ERC2: variants seen among roughly 807,000 people sequenced by gnomAD.
ERC2 encodes ELKS/RAB6-interacting/CAST family member 2.
Under a neutral mutation model 114.8 loss-of-function variants are expected in ERC2, and 42 were observed. The ratio of observed to expected loss-of-function variants is 0.37; its 90% CI spans 0.29 to 0.47. The LOEUF (loss-of-function observed/expected upper bound fraction) is 0.47, where lower values mean the gene tolerates loss of function less well. ERC2 is among the 20% of genes least tolerant of loss of function. The pLI is 0.99. For missense variants in ERC2, 939 were observed against 1,150.7 expected, an observed-to-expected ratio of 0.82 and a Z score of 2.66; for synonymous variants, 454 against 425.5, an observed-to-expected ratio of 1.07 and a Z score of -0.82.
chr3:56,085,885 C>T (rs1343153727), intron 6 of ERC2, among the ~76,000 whole-genome samples: 6 of 152,258 alleles, frequency 3.9e-5, no homozygotes, highest in African/African-American at 1.4e-4. Context: ...ATTTGCCCTG[C>T]ATCCTACCTA....
intron 2 of ERC2, among the ~76,000 whole-genome samples, chr3:56,306,049 G>A (rs1257123053): frequency 5.3e-5 from 8 of 151,992 alleles, no homozygotes; most frequent in East Asian, 1.9e-4. Flanking sequence ...GGGTTTCTCC[G>A]TGTTGCCCAG....
intron 12 of ERC2, among the ~76,000 whole-genome samples, chr3:55,980,891 C>T (rs930101593): frequency 1.2e-4 from 18 of 152,210 alleles, no homozygotes; most frequent in African/African-American, 4.3e-4. Flanking sequence ...ACACACTGAA[C>T]TATAAAACGT....
chr3:55,920,446 A>ACACCCCCCCCCCC (rs57638674), intron 13 of ERC2, among the ~76,000 whole-genome samples: 1 of 145,446 alleles, frequency 6.9e-6, no homozygotes, highest in African/African-American at 2.6e-5. Flanking sequence ...ACACACACAC[A>ACACCCCCCCCCCC]CCCCAAGTGA....
intron 6 of ERC2, among the ~76,000 whole-genome samples, chr3:56,107,562 C>T (rs2078738136): frequency 6.6e-6 from 1 of 152,130 alleles, no homozygotes; most frequent in Admixed American, 6.6e-5. Context: ...CTCTGATACT[C>T]TGCTTTCACC....
intron 14 of ERC2, among the ~76,000 whole-genome samples, chr3:55,815,224 T>C (rs779390287): frequency 6.6e-6 from 1 of 152,148 alleles, no homozygotes; most frequent in Non-Finnish European, 1.5e-5. Context: ...CATCTACTCT[T>C]AGTGGGGTGT....
At chr3:55,864,247 A>G (rs528804859) in intron 14 of ERC2, among the ~76,000 whole-genome samples, 10 of 148,354 alleles carry the variant, frequency 6.7e-5, no homozygotes, top group African/African-American at 1.2e-4. Context: ...GTGTGTATAT[A>G]TGTATATATA....
chr3:55,548,209 T>C (rs2054894991), intron 17 of ERC2, among the ~76,000 whole-genome samples: 1 of 152,248 alleles, frequency 6.6e-6, no homozygotes, highest in South Asian at 2.1e-4. Context: ...TGCCTGTGGG[T>C]GAGATCTAGT....
intron 17 of ERC2, among the ~76,000 whole-genome samples, chr3:55,644,988 G>GT (rs2060332876): frequency 6.6e-6 from 1 of 152,022 alleles, no homozygotes; most frequent in African/African-American, 2.4e-5. Flanking sequence ...GTCATCTAGC[G>GT]TGAGAACTTC....
chr3:56,327,011 C>T (rs1015052048), intron 2 of ERC2, among the ~76,000 whole-genome samples: 9 of 152,216 alleles, frequency 5.9e-5, no homozygotes, highest in Admixed American at 1.3e-4. Flanking sequence ...TGATGCCTGC[C>T]TGGGAGGCCA....
chr3:55,829,124 C>G (rs929502434), intron 14 of ERC2, among the ~76,000 whole-genome samples: 3 of 152,050 alleles, frequency 2.0e-5, no homozygotes, highest in African/African-American at 4.8e-5. Context: ...GAGCAAGACC[C>G]TCTCTCAAAA....
chr3:55,817,837 T>C (rs561383504), intron 14 of ERC2, among the ~76,000 whole-genome samples: 1 of 152,280 alleles, frequency 6.6e-6, no homozygotes, highest in African/African-American at 2.4e-5. Flanking sequence ...CTTCAGTAAA[T>C]GTTAGTCTCA....
At chr3:55,998,624 A>T (rs2071788053) in intron 10 of ERC2, among the ~76,000 whole-genome samples, 1 of 152,184 alleles carries the variant, frequency 6.6e-6, no homozygotes, top group Admixed American at 6.5e-5. Context: ...ACTTTTCAGA[A>T]ATAGGCTTCA....
At chr3:55,957,961 T>TA (rs2068079548) in intron 12 of ERC2, among the ~76,000 whole-genome samples, 1 of 152,130 alleles carries the variant, frequency 6.6e-6, no homozygotes, top group Non-Finnish European at 1.5e-5. Context: ...GCCCACTATA[T>TA]GGTGAGTTGG....
At chr3:55,863,701 C>T (rs1575907506) in intron 14 of ERC2, among the ~76,000 whole-genome samples, 1 of 152,078 alleles carries the variant, frequency 6.6e-6, no homozygotes, top group East Asian at 1.9e-4. Context: ...TTCTAATAGC[C>T]ACATCATAAA....
At chr3:55,778,187 T>C (rs1442357491) in intron 14 of ERC2, among the ~76,000 whole-genome samples, 1 of 152,228 alleles carries the variant, frequency 6.6e-6, no homozygotes, top group African/African-American at 2.4e-5. Flanking sequence ...TGTATGTATA[T>C]ATGTAAATGC....
At chr3:56,074,215 C>T (rs1306569812) in intron 7 of ERC2, among the ~76,000 whole-genome samples, 2 of 152,078 alleles carry the variant, frequency 1.3e-5, no homozygotes, top group Non-Finnish European at 2.9e-5. Context: ...TAGCTCCATC[C>T]CTTTCCTGCC....
chr3:55,887,490 T>C (rs1270121429), intron 14 of ERC2, among the ~76,000 whole-genome samples: 2 of 152,200 alleles, frequency 1.3e-5, no homozygotes, highest in Non-Finnish European at 2.9e-5. Flanking sequence ...GATGCCGTAA[T>C]TATGTATGTT....
intron 14 of ERC2, among the ~76,000 whole-genome samples, chr3:55,876,564 A>G (rs758625038): frequency 1.3e-5 from 2 of 152,252 alleles, no homozygotes; most frequent in Admixed American, 6.5e-5. Flanking sequence ...ACAAAAGTGG[A>G]AAGAGAGTAA....
chr3:56,461,112 A>G (rs1323222202), intron 1 of ERC2, among the ~76,000 whole-genome samples: 4 of 152,012 alleles, frequency 2.6e-5, no homozygotes, highest in Non-Finnish European at 5.9e-5. Context: ...CAAAGAATCT[A>G]TTAGCACAGA....
Sources: gnomAD v4.1 joint callset for allele counts (sites outside exome capture counted in the v4.1 genomes callset) on GRCh38, gnomAD v4.1.1 for gene constraint, MANE v1.5 for transcripts, NCBI Gene and HGNC (gene_info 2026-07-23, HGNC 2026-07-21) for gene names.